Variants in SGCZ observed in about 807,000 individuals in gnomAD.
SGCZ encodes the protein sarcoglycan zeta.
In SGCZ, 40 loss-of-function variants were observed where a neutral mutation model predicts 41.3. The observed-to-expected ratio is 0.97, with a 90% confidence interval of 0.75 to 1.26. SGCZ has a LOEUF of 1.26. Ranked by LOEUF, SGCZ falls within the 50% of genes most tolerant of loss-of-function variation. The probability of loss-of-function intolerance (pLI) is 0.00; values close to 1 mark genes in which losing one functional copy is unlikely to be tolerated. For missense variants in SGCZ, 552 were observed against 369.8 expected (o/e 1.49, Z -4.04); for synonymous variants, 206 against 137.5 (o/e 1.50, Z -3.49).
chr8:14,166,861 G>A (rs1804227072), intron 4 of SGCZ, among the ~76,000 whole-genome samples: 1 of 152,012 alleles, frequency 6.6e-6, no homozygotes, highest in Non-Finnish European at 1.5e-5. Context: ...AATAAGCAAA[G>A]GCAAATAAGC....
intron 1 of SGCZ, among the ~76,000 whole-genome samples, chr8:14,977,839 A>C (rs1335456871): frequency 6.6e-6 from 1 of 152,014 alleles, no homozygotes. Context: ...TATTCATCAT[A>C]TCATGAACTA....
chr8:14,944,541 T>A (rs895350734), intron 1 of SGCZ, among the ~76,000 whole-genome samples: 17 of 152,100 alleles, frequency 1.1e-4, no homozygotes, highest in African/African-American at 4.1e-4. Flanking sequence ...GAGAAAGTAG[T>A]TAAAAATGTA....
At chr8:14,448,242 C>T (rs924851371) in intron 2 of SGCZ, among the ~76,000 whole-genome samples, 5 of 152,158 alleles carry the variant, frequency 3.3e-5, no homozygotes, top group Non-Finnish European at 5.9e-5. Context: ...ACAGCTTGTA[C>T]GTGGCCACTG....
chr8:14,748,681 G>C (rs531523767), intron 1 of SGCZ, among the ~76,000 whole-genome samples: 6 of 152,202 alleles, frequency 3.9e-5, no homozygotes, highest in Non-Finnish European at 8.8e-5. Context: ...GAATCATGAA[G>C]GAATCATCTA....
At chr8:14,961,292 G>T (rs370555144) in intron 1 of SGCZ, among the ~76,000 whole-genome samples, 10 of 152,074 alleles carry the variant, frequency 6.6e-5, no homozygotes, top group African/African-American at 2.4e-4. Context: ...CTACTGACCT[G>T]TTGTTTACTG....
At chr8:14,857,715 A>T (rs1803590823) in intron 1 of SGCZ, among the ~76,000 whole-genome samples, 1 of 152,014 alleles carries the variant, frequency 6.6e-6, no homozygotes, top group Non-Finnish European at 1.5e-5. Flanking sequence ...AATACAAAAA[A>T]ATTAGCCCAG....
At chr8:14,246,689 C>T (rs7008504) in intron 3 of SGCZ, among the ~76,000 whole-genome samples, 4 of 151,436 alleles carry the variant, frequency 2.6e-5, no homozygotes, top group Non-Finnish European at 5.9e-5. Flanking sequence ...GGGCAGATCA[C>T]GGGGTCAGGA....
At chr8:14,126,239 A>C (rs1802855708) in intron 5 of SGCZ, among the ~76,000 whole-genome samples, 1 of 152,208 alleles carries the variant, frequency 6.6e-6, no homozygotes, top group Non-Finnish European at 1.5e-5. Flanking sequence ...CATTTGACAA[A>C]TGTCTAACAT....
chr8:14,776,595 G>A (rs1330355899), intron 1 of SGCZ, among the ~76,000 whole-genome samples: 1 of 149,314 alleles, frequency 6.7e-6, no homozygotes, highest in Non-Finnish European at 1.5e-5. Flanking sequence ...CCGGGTTCAG[G>A]CCATTCTCCT....
At chr8:14,871,629 C>T (rs1352738962) in intron 1 of SGCZ, among the ~76,000 whole-genome samples, 2 of 151,806 alleles carry the variant, frequency 1.3e-5, no homozygotes, top group Admixed American at 1.3e-4. Flanking sequence ...CACAGTGAAA[C>T]CCCATCTCTA....
chr8:14,146,823 G>C (rs1803536412), intron 5 of SGCZ, among the ~76,000 whole-genome samples: 1 of 140,056 alleles, frequency 7.1e-6, no homozygotes, highest in Non-Finnish European at 1.5e-5. Flanking sequence ...AGTGAGCCGA[G>C]ATCCCGCCAC....
intron 1 of SGCZ, among the ~76,000 whole-genome samples, chr8:15,046,896 T>G (rs1804325829): frequency 6.6e-6 from 1 of 152,052 alleles, no homozygotes; most frequent in South Asian, 2.1e-4. Flanking sequence ...CTATTCTCTA[T>G]ATAACTAATT....
At chr8:14,799,197 T>A (rs1229962536) in intron 1 of SGCZ, among the ~76,000 whole-genome samples, 1 of 152,124 alleles carries the variant, frequency 6.6e-6, no homozygotes, top group East Asian at 1.9e-4. Flanking sequence ...ATATTTAGAA[T>A]CCATTTATTT....
intron 1 of SGCZ, among the ~76,000 whole-genome samples, chr8:15,167,498 T>A (rs910597759): frequency 2.0e-5 from 3 of 152,196 alleles, no homozygotes; most frequent in African/African-American, 7.2e-5. Context: ...AACCCATGGT[T>A]GTGCTCAGCT....
intron 2 of SGCZ, among the ~76,000 whole-genome samples, chr8:14,379,395 A>G (rs1466605068): frequency 1.3e-5 from 2 of 152,188 alleles, no homozygotes; most frequent in African/African-American, 2.4e-5. Context: ...AGTGCACAAG[A>G]TAATGTAGTT....
chr8:15,120,459 T>C (rs1271349034), intron 1 of SGCZ, among the ~76,000 whole-genome samples: 1 of 152,208 alleles, frequency 6.6e-6, no homozygotes. Flanking sequence ...TTTAAGTAGT[T>C]TAATACATAC....
chr8:14,880,180 G>A (rs1395132582), intron 1 of SGCZ, among the ~76,000 whole-genome samples: 1 of 152,146 alleles, frequency 6.6e-6, no homozygotes, highest in Non-Finnish European at 1.5e-5. Flanking sequence ...ATTTGCTCCT[G>A]TATGGCATTC....
intron 1 of SGCZ, among the ~76,000 whole-genome samples, chr8:14,766,879 G>C (rs1800053744): frequency 6.6e-6 from 1 of 151,712 alleles, no homozygotes; most frequent in Admixed American, 6.6e-5. Context: ...TGCCTGGCCT[G>C]ATTTACTTTT....
intron 1 of SGCZ, among the ~76,000 whole-genome samples, chr8:14,948,991 T>C (rs2130832401): frequency 6.6e-6 from 1 of 152,144 alleles, no homozygotes; most frequent in African/African-American, 2.4e-5. Flanking sequence ...TGAGTGATGG[T>C]AAGTACAGGC....
Sources: allele counts gnomAD v4.1 joint callset (sites outside exome capture counted in the v4.1 genomes callset), GRCh38; gene constraint gnomAD v4.1.1; transcripts MANE v1.5; gene names NCBI Gene and HGNC (gene_info 2026-07-23, HGNC 2026-07-21).